USP28: variants seen among roughly 807,000 people sequenced by gnomAD.
The protein encoded by USP28 is ubiquitin specific peptidase 28, also known as ubiquitin carboxyl-terminal hydrolase 28.
Under a neutral mutation model 145.0 loss-of-function variants are expected in USP28, and 113 were observed. The ratio of observed to expected loss-of-function variants is 0.78; its 90% CI spans 0.67 to 0.91. USP28 has a LOEUF of 0.91. Ranked by LOEUF, USP28 falls within the 40% of genes least tolerant of loss-of-function variation. The pLI, the probability that USP28 is intolerant of heterozygous loss-of-function variation, is 0.00. For synonymous variants in USP28, 447 were observed against 450.9 expected, an observed-to-expected ratio of 0.99 and a Z score of 0.11; for missense variants, 1,201 against 1,289.6, an observed-to-expected ratio of 0.93 and a Z score of 1.05.
Position 113,811,644 on chromosome 11 carries a change from C to T in USP28, c.1972+632G>A, listed in dbSNP as rs112671330. On this transcript the variant is annotated intron_variant, in intron 16 of 24. Transcript: ENST00000003302. ...CGGAGGTTGCAGTGAGCTGAGATTG[C>T]GCCACTGCACTCCAGCCTGGGCGAC... Among the ~76,000 whole-genome samples, 1,216 of 151,764 alleles carry T rather than the reference C, an allele frequency of 8.0e-3. 19 individuals carry two copies. The highest frequency in any genetic ancestry group is 0.028 in the African/African-American group (1,170 of 41,382).
intron 24 of USP28, among the ~76,000 whole-genome samples, chr11:113,801,064 G>T (rs1484375507): frequency 6.6e-6 from 1 of 151,980 alleles, no homozygotes; most frequent in Non-Finnish European, 1.5e-5. Flanking sequence ...ACTTGGTCTT[G>T]AACTCCTGGC....
chr11:113,855,167 G>A (rs1200487937), intron 1 of USP28, among the ~76,000 whole-genome samples: 1 of 152,144 alleles, frequency 6.6e-6, no homozygotes, highest in Non-Finnish European at 1.5e-5. Flanking sequence ...TAATTTCAAA[G>A]GGTATAAAGT....
At position 113,804,771 on chromosome 11, in the gene USP28, G is replaced by T. The variant is rs768050843; in HGVS notation, c.2580-20C>A. ...ATTGATCTGTGTGGGACAAAGTTCA[G>T]AAAGCAATGAAAAGGCACAGGGCAA... is the stretch of plus-strand genomic sequence containing the variant. On this transcript the variant is annotated intron_variant, in intron 20 of 24. Coordinates refer to ENST00000003302, the Ensembl canonical transcript of USP28. 6.2e-6 allele frequency: 10 copies of T among 1,612,270 alleles called. No homozygotes were observed. The East Asian group carries it at 2.2e-4, about 36-fold the overall frequency.
chr11:113,861,486 A>G (rs769621522), intron 1 of USP28, among the ~76,000 whole-genome samples: 3 of 152,226 alleles, frequency 2.0e-5, no homozygotes, highest in African/African-American at 7.2e-5. Context: ...TTTAGCCACT[A>G]TTATATCATG....
At chr11:113,803,384 C>G (rs1939390987) in intron 22 of USP28, 103 bp from the exon 24 acceptor site, 1 of 1,337,160 alleles carries the variant, frequency 7.5e-7, no homozygotes, top group African/African-American at 1.5e-5. Flanking sequence ...GGCTGCAATT[C>G]TGAAAAAGTG....
chr11:113,828,722 A>C (rs1165500713), intron 10 of USP28: 1 of 313,648 alleles, frequency 3.2e-6, no homozygotes, highest in Non-Finnish European at 6.2e-6. Flanking sequence ...CCAACCCAGA[A>C]AAAAAATAGA....
At chr11:113,844,236 C>T (rs1408778356) in intron 3 of USP28, among the ~76,000 whole-genome samples, 2 of 151,856 alleles carry the variant, frequency 1.3e-5, no homozygotes, top group Non-Finnish European at 2.9e-5. Context: ...GTCAGGAGTT[C>T]GAGACCAGCC....
intron 3 of USP28, among the ~76,000 whole-genome samples, chr11:113,842,586 GAA>G (rs752642622): frequency 1.3e-5 from 1 of 77,966 alleles, no homozygotes. Context: ...CTCCGTCTCA[GAA>G]AAAAAAAAAA....
At chr11:113,833,472 G>C (rs915173734) in exon 7 of USP28, 1 of 1,614,230 alleles carries the variant, frequency 6.2e-7, no homozygotes, top group Admixed American at 1.7e-5. Flanking sequence ...CAGGGCTGCA[G>C]ACGGGTCTAC....
chr11:113,801,838 G>C (rs1939084557), intron 23 of USP28, 160 bp from the exon 25 acceptor site: 2 of 531,530 alleles, frequency 3.8e-6, no homozygotes, highest in Non-Finnish European at 3.2e-6. Context: ...CTGATAAGCT[G>C]ATTTAATTAG....
At chr11:113,827,621 A>C (rs934330677) in intron 10 of USP28, among the ~76,000 whole-genome samples, 18 of 152,344 alleles carry the variant, frequency 1.2e-4, no homozygotes, top group African/African-American at 4.3e-4. Context: ...CTCAACCATC[A>C]TCCTCAGAAT....
intron 1 of USP28, among the ~76,000 whole-genome samples, chr11:113,858,108 C>A (rs142968739): frequency 8.9e-4 from 135 of 152,252 alleles, no homozygotes; most frequent in African/African-American, 3.1e-3. Flanking sequence ...TCAAGTGATC[C>A]ACCTGTCTCA....
At chr11:113,831,874 C>A in intron 8 of USP28, 46 bp downstream of exon 8, 2 of 1,567,386 alleles carry the variant, frequency 1.3e-6, no homozygotes, top group Non-Finnish European at 1.8e-6. Flanking sequence ...TTCTCACTGG[C>A]CCACTGTGAG....
At chr11:113,866,777 G>C (rs1948290058) in intron 1 of USP28, among the ~76,000 whole-genome samples, 1 of 152,164 alleles carries the variant, frequency 6.6e-6, no homozygotes, top group African/African-American at 2.4e-5. Flanking sequence ...TACCATATGA[G>C]TCAACAATTC....
chr11:113,856,083 T>C (rs1011066327), intron 1 of USP28, among the ~76,000 whole-genome samples: 1 of 152,226 alleles, frequency 6.6e-6, no homozygotes, highest in Non-Finnish European at 1.5e-5. Flanking sequence ...GTGATTATCA[T>C]ACTAAAAGGT....
intron 12 of USP28, chr11:113,818,039 T>G (rs926979207): frequency 2.1e-6 from 1 of 465,296 alleles, no homozygotes; most frequent in African/African-American, 2.0e-5. Context: ...AATCTGAAGT[T>G]TTATATCTGG....
intron 11 of USP28, among the ~76,000 whole-genome samples, chr11:113,824,912 C>G (rs893219463): frequency 8.0e-6 from 1 of 124,768 alleles, no homozygotes; most frequent in African/African-American, 3.0e-5. Flanking sequence ...GCCTGGGCAA[C>G]AAGAGCGAAA....
At position 113,801,628 on chromosome 11, in the gene USP28, G is replaced by A. The variant is rs143522850; in HGVS notation, c.2913C>T (p.Ser971=). ...TCATCACATTAATGCCCTCAGTTAC[G>A]GAGTGATCATCATTTGTTTCAAAAA... Residue 971 remains serine (S), a synonymous_variant, in exon 24 of 25, where the codon TCC becomes TCT. Coordinates refer to ENST00000003302, the Ensembl canonical transcript of USP28. 2.9e-4 allele frequency: 461 copies of A among 1,592,946 alleles called. 2 individuals are homozygous for A. The East Asian group carries it at 8.2e-3, about 28-fold the overall frequency.
At chr11:113,832,102 C>CA in intron 7 of USP28, 109 bp from the exon 8 acceptor site, 1 of 940,204 alleles carries the variant, frequency 1.1e-6, no homozygotes, top group Non-Finnish European at 1.6e-6. Context: ...AAAAGCATTT[C>CA]TTTTTTTCTT....
Sources: allele counts gnomAD v4.1 joint callset (sites outside exome capture counted in the v4.1 genomes callset), GRCh38; gene constraint gnomAD v4.1.1; transcripts MANE v1.5; gene names NCBI Gene and HGNC (gene_info 2026-07-23, HGNC 2026-07-21).